Variants in SFXN5 observed in about 807,000 individuals in gnomAD.
The protein encoded by SFXN5 is sideroflexin-5.
SFXN5 carries 43 observed loss-of-function variants against 50.2 expected under a neutral mutation model. That is an observed-to-expected ratio of 0.86 (90% CI 0.67 to 1.11). The LOEUF is 1.11. Among genes scored for constraint, SFXN5 ranks in the 50% least tolerant of loss-of-function variants. The pLI is 0.00. For missense variants in SFXN5, 463 were observed against 454.1 expected (o/e 1.02, Z -0.18); for synonymous variants, 203 against 185.8 (o/e 1.09, Z -0.75).
intron 3 of SFXN5, among the ~76,000 whole-genome samples, chr2:73,037,229 G>A (rs1679102050): frequency 6.6e-6 from 1 of 152,142 alleles, no homozygotes. Context: ...TCTTCCAGAT[G>A]CCCTCAGTCT....
chr2:72,946,254 AC>A (rs2105304401), intron 13 of SFXN5, among the ~76,000 whole-genome samples: 1 of 151,944 alleles, frequency 6.6e-6, no homozygotes, highest in East Asian at 1.9e-4. Flanking sequence ...CCCAGCTACT[AC>A]CTGGTCTCTC....
chr2:72,989,417 C>T (rs913805232), intron 9 of SFXN5, among the ~76,000 whole-genome samples: 2 of 152,088 alleles, frequency 1.3e-5, no homozygotes, highest in African/African-American at 4.8e-5. Context: ...CTACAACACC[C>T]CAGGGCTGGT....
At chr2:73,013,878 G>T (rs1239205963) in intron 6 of SFXN5, among the ~76,000 whole-genome samples, 1 of 151,996 alleles carries the variant, frequency 6.6e-6, no homozygotes, top group African/African-American at 2.4e-5. Flanking sequence ...TCTCCCCAGA[G>T]GTAAACAGTA....
At chr2:72,999,867 G>A (rs1673689579) in intron 8 of SFXN5, among the ~76,000 whole-genome samples, 2 of 152,186 alleles carry the variant, frequency 1.3e-5, no homozygotes, top group Admixed American at 6.5e-5. Context: ...CAGCAAAGCA[G>A]GGGCCCAGCA....
chr2:72,965,620 T>C (rs1305662890), intron 12 of SFXN5, among the ~76,000 whole-genome samples: 1 of 152,160 alleles, frequency 6.6e-6, no homozygotes, highest in Non-Finnish European at 1.5e-5. Flanking sequence ...CCCATCTGTA[T>C]GCTCCCCTAG....
intron 3 of SFXN5, among the ~76,000 whole-genome samples, chr2:73,026,949 A>T (rs1402275682): frequency 1.3e-5 from 2 of 150,054 alleles, no homozygotes; most frequent in East Asian, 3.9e-4. Context: ...CTGGTCTCAA[A>T]CTCCTGATCT....
rs550450597 is a variant in SFXN5, at chr2:72,952,690, T to G, written c.946-7591A>C. On this transcript the variant is annotated intron_variant, in intron 13 of 13. Coordinates refer to ENST00000272433, the MANE Select transcript of SFXN5 (RefSeq NM_144579.3). ...TTCTCTGTCCTCTGTCTTCTAAGCT[T>G]TGAGGCCTCAGTTTCCCCACATGTA... is the stretch of plus-strand genomic sequence containing the variant. Among the ~76,000 whole-genome samples the G allele has an allele frequency of 9.2e-5, 14 of 152,300 alleles. No homozygotes were observed. The East Asian group carries it at 2.7e-3, about 29-fold the overall frequency.
Position 73,050,388 on chromosome 2 carries a change from G to GCGCGCACACACACACACACACACACACA in SFXN5, c.171+8139_171+8140insTGTGTGTGTGTGTGTGTGTGTGTGCGCG. Reference sequence around the variant, plus strand: ...GTGGAGGTAGCGCCGCAGCCACAGCGCACGCACACACACACACACACACAC... The same window carrying GCGCGCACACACACACACACACACACACA: ...GTGGAGGTAGCGCCGCAGCCACAGCGCGCGCACACACACACACACACACACACACACGCACACACACACACACACACAC... On this transcript the variant is annotated intron_variant, in intron 2 of 13. Coordinates refer to ENST00000272433, the MANE Select transcript of SFXN5 (RefSeq NM_144579.3). Among the ~76,000 whole-genome samples the GCGCGCACACACACACACACACACACACA allele has an allele frequency of 5.1e-3, 739 of 143,892 alleles. 10 individuals are homozygous for GCGCGCACACACACACACACACACACACA. Among genetic ancestry groups the GCGCGCACACACACACACACACACACACA allele is most frequent in the East Asian group, 0.026 (123 of 4,738 alleles). The allele number at this position is 143,892 out of a possible 152,430, so 94.4% of individuals were successfully genotyped here.
intron 2 of SFXN5, among the ~76,000 whole-genome samples, chr2:73,050,551 C>T (rs1346444806): frequency 1.3e-5 from 2 of 152,182 alleles, no homozygotes. Context: ...TGCCAGAATA[C>T]AGTGGGCAGA....
intron 6 of SFXN5, among the ~76,000 whole-genome samples, chr2:73,004,590 C>T (rs1156630127): frequency 1.3e-5 from 2 of 152,030 alleles, no homozygotes; most frequent in African/African-American, 4.8e-5. Context: ...CAGGGACAGC[C>T]GAGACAGCAG....
At position 73,061,042 on chromosome 2, in the gene SFXN5, G is replaced by A. The variant is rs902672613; in HGVS notation, c.103-2446C>T. Among the ~76,000 whole-genome samples the A allele has an allele frequency of 9.2e-5, 14 of 151,838 alleles. No individual in the cohort carries two copies. In the East Asian group the frequency reaches 2.0e-3, roughly 21 times the overall value. On this transcript the variant is annotated intron_variant, in intron 1 of 13. Transcript: ENST00000272433. Reference sequence around the variant, plus strand: ...TTAAAAGATATATGCTGGACCGGGCGTGGTGGCTCATGCCTGTAATCCCAG... The same window carrying A: ...TTAAAAGATATATGCTGGACCGGGCATGGTGGCTCATGCCTGTAATCCCAG...
intron 1 of SFXN5, among the ~76,000 whole-genome samples, chr2:73,068,795 C>T (rs1028786701): frequency 6.6e-6 from 1 of 151,884 alleles, no homozygotes; most frequent in Non-Finnish European, 1.5e-5. Flanking sequence ...AATGTATACA[C>T]CGAGAAAGGT....
At chr2:73,047,255 T>TATATATATATATATATACACACACAC (rs1156644862) in intron 2 of SFXN5, among the ~76,000 whole-genome samples, 2 of 61,872 alleles carry the variant, frequency 3.2e-5, no homozygotes, top group Admixed American at 2.2e-4. Flanking sequence ...AATATATATA[T>TATATATATATATATATACACACACAC]ATATATATAT....
Position 73,058,509 on chromosome 2 carries a change from G to A in SFXN5, c.171+19C>T. On this transcript the variant is annotated intron_variant, in intron 2 of 13. Transcript: ENST00000272433. Reference sequence around the variant, plus strand: ...GGTACAAAGGCCCAAGGGCCACTGAGGTGACAGCCATGACTTACCTCAGTG... The same window carrying A: ...GGTACAAAGGCCCAAGGGCCACTGAAGTGACAGCCATGACTTACCTCAGTG... The A allele has an allele frequency of 1.2e-6, 2 of 1,612,830 alleles. No homozygotes were observed. The highest frequency in any genetic ancestry group is 2.2e-5 in the South Asian group (2 of 91,060).
chr2:73,038,600 G>C (rs1476832322), intron 3 of SFXN5, among the ~76,000 whole-genome samples: 1 of 152,114 alleles, frequency 6.6e-6, no homozygotes, highest in Non-Finnish European at 1.5e-5. Flanking sequence ...TGCACTCCAG[G>C]CCTGGGTGAC....
chr2:73,059,236 T>C (rs1033441922), intron 1 of SFXN5: 7 of 985,664 alleles, frequency 7.1e-6, no homozygotes, highest in East Asian at 1.1e-4. Context: ...TGGAGCACAA[T>C]GAAAGGAAAC....
Position 72,945,185 on chromosome 2 carries a change from G to C in SFXN5, c.946-86C>G. The C allele has an allele frequency of 7.7e-7, 1 of 1,300,188 alleles. No individual in the cohort carries two copies. Among genetic ancestry groups the C allele is most frequent in the East Asian group, 2.4e-5 (1 of 40,902 alleles). The allele number at this position is 1,300,188 out of a possible 1,614,324, so 80.5% of individuals were successfully genotyped here. A position where few individuals can be genotyped will look rare whatever the true frequency, so the allele number is the denominator to read the frequency against. ...GGAGCTGCAGTGAGGACCACCCTGG[G>C]CCCCAGAGCTCTGCCCCCTGCACCC... On this transcript the variant is annotated intron_variant, in intron 13 of 13. Transcript: ENST00000272433. The surrounding 1 kb of genome is among the most constrained non-coding windows in gnomAD (Gnocchi z 5.8).
In SFXN5 at chr2:72,950,619, C is replaced by G. The variant is rs1037863184; in HGVS notation, c.946-5520G>C. On this transcript the variant is annotated intron_variant, in intron 13 of 13. Coordinates refer to ENST00000272433, the MANE Select transcript of SFXN5 (RefSeq NM_144579.3). The surrounding 1 kb of genome is among the most constrained non-coding windows in gnomAD (Gnocchi z 4.2). Reference sequence around the variant, plus strand: ...CCCCTGTCCACCAAAAACTAAGCATCTCCCTTGAAGACCACCTCTCTGAGG... The same window carrying G: ...CCCCTGTCCACCAAAAACTAAGCATGTCCCTTGAAGACCACCTCTCTGAGG... 2.6e-5 allele frequency among the ~76,000 whole-genome samples: 4 copies of G among 152,250 alleles called. No individual in the cohort carries two copies. The highest frequency in any genetic ancestry group is 9.6e-5 in the African/African-American group (4 of 41,464).
intron 5 of SFXN5, among the ~76,000 whole-genome samples, chr2:73,021,625 T>C (rs1272401193): frequency 6.6e-6 from 1 of 152,144 alleles, no homozygotes; most frequent in Admixed American, 6.5e-5. Flanking sequence ...TTGCCCTCAG[T>C]GAGGCCAGGC....
Sources: gnomAD v4.1 joint callset for allele counts (sites outside exome capture counted in the v4.1 genomes callset) on GRCh38, gnomAD v4.1.1 for gene constraint, Gnocchi (gnomAD v3.1) non-coding constraint, MANE v1.5 for transcripts, NCBI Gene and HGNC (gene_info 2026-07-23, HGNC 2026-07-21) for gene names.